RIPK1: variants seen among roughly 807,000 people sequenced by gnomAD.
RIPK1 encodes the protein receptor-interacting serine/threonine-protein kinase 1.
Under a neutral mutation model 62.4 loss-of-function variants are expected in RIPK1, and 27 were observed. That is an observed-to-expected ratio of 0.43 (90% CI 0.32 to 0.60). The LOEUF (loss-of-function observed/expected upper bound fraction) is 0.60, where lower values mean the gene tolerates loss of function less well. Ranked by LOEUF, RIPK1 falls within the 20% of genes least tolerant of loss-of-function variation. The pLI, the probability that RIPK1 is intolerant of heterozygous loss-of-function variation, is 0.07. For missense variants in RIPK1, 735 were observed against 831.0 expected (o/e 0.88, Z 1.42); for synonymous variants, 287 against 303.2 (o/e 0.95, Z 0.55).
In RIPK1 at chr6:3,113,633, G is replaced by A. The variant is rs1011955184; in HGVS notation, c.*294G>A. 2.7e-5 allele frequency: 9 copies of A among 332,272 alleles called. No individual in the cohort carries two copies. Among genetic ancestry groups the A allele is most frequent in the African/African-American group, 1.6e-4 (8 of 48,930 alleles). The allele number at this position is 332,272 out of a possible 1,614,324, so 20.6% of individuals were successfully genotyped here. A position where few individuals can be genotyped will look rare whatever the true frequency, so the allele number is the denominator to read the frequency against. On this transcript the variant is annotated 3_prime_UTR_variant, in exon 11 of 11. Transcript: ENST00000259808. This position sits in a 1 kb window ranked among gnomAD's most constrained non-coding sequence, Gnocchi z 5.0. ...AGCCACTGCGCCCAGCCAACAATCC[G>A]CTCTGAGGAAAGCGTAAGCAGGAAG...
intron 7 of RIPK1, among the ~76,000 whole-genome samples, chr6:3,097,585 A>G (rs917341304): frequency 2.0e-5 from 3 of 152,204 alleles, no homozygotes; most frequent in Admixed American, 6.5e-5. Context: ...ATACCAAAAA[A>G]TCAGCTCCAG....
chr6:3,103,238 G>T, intron 7 of RIPK1, among the ~76,000 whole-genome samples: 1 of 150,966 alleles, frequency 6.6e-6, no homozygotes, highest in African/African-American at 2.4e-5. Flanking sequence ...TTATGTTCTG[G>T]ATTTCATCCG....
chr6:3,070,765 C>T (rs1161688205), intron 1 of RIPK1, among the ~76,000 whole-genome samples: 1 of 152,208 alleles, frequency 6.6e-6, no homozygotes, highest in Non-Finnish European at 1.5e-5. Flanking sequence ...TGTACTTTCT[C>T]CGTGTTTCTG....
rs116253526 is a variant in RIPK1, at chr6:3,078,162, A to G, written c.321+227A>G. Among the ~76,000 whole-genome samples the G allele has an allele frequency of 7.3e-3, 1,117 of 152,270 alleles. 11 individuals carry two copies. Among genetic ancestry groups the G allele is most frequent in the African/African-American group, 0.026 (1,073 of 41,554 alleles). ...ATCCTCCCACCTCAGCCTCTCAAGT[A>G]GCTGGGATTACAGGCTGGATTTCCT... On this transcript the variant is annotated intron_variant, in intron 3 of 10. Coordinates refer to ENST00000259808, the MANE Select transcript of RIPK1 (RefSeq NM_001354930.2).
chr6:3,066,674 G>A (rs1303601292), upstream of RIPK1, among the ~76,000 whole-genome samples: 1 of 152,124 alleles, frequency 6.6e-6, no homozygotes, highest in Non-Finnish European at 1.5e-5. Flanking sequence ...CTGCATTACT[G>A]TGGAATATTT....
At chr6:3,084,031 G>A (rs972745376) in intron 5 of RIPK1, among the ~76,000 whole-genome samples, 1 of 151,988 alleles carries the variant, frequency 6.6e-6, no homozygotes, top group Non-Finnish European at 1.5e-5. Context: ...TCCCAGACTC[G>A]CCCTTGCCCC....
At chr6:3,085,156 C>T in intron 5 of RIPK1, 103 bp from the exon 6 acceptor site, 2 of 1,227,328 alleles carry the variant, frequency 1.6e-6, no homozygotes, top group Non-Finnish European at 2.4e-6. Flanking sequence ...TGGAATGAGG[C>T]AGCTGTACCA....
In RIPK1 at chr6:3,076,790, A is replaced by C. The variant is rs748246984; in HGVS notation, c.-34A>C. The C allele has an allele frequency of 3.7e-6, 6 of 1,604,524 alleles. No homozygotes were observed. The highest frequency in any genetic ancestry group is 4.3e-6 in the Non-Finnish European group (5 of 1,176,096). ...GTACAGCTCTGCCGGGGGGGGAAAAAGTGGTACCATTTTGGGCGTTCTTGA... is the reference window on the plus strand; with the variant it reads ...GTACAGCTCTGCCGGGGGGGGAAAACGTGGTACCATTTTGGGCGTTCTTGA... On this transcript the variant is annotated 5_prime_UTR_variant, in exon 2 of 11. Coordinates refer to ENST00000259808, the MANE Select transcript of RIPK1 (RefSeq NM_001354930.2).
At position 3,105,566 on chromosome 6, in the gene RIPK1, A is replaced by G. The variant is rs756312128; in HGVS notation, c.1091A>G (p.Glu364Gly). 1 of 1,613,146 alleles carries G rather than the reference A, an allele frequency of 6.2e-7. No individual in the cohort carries two copies. Among genetic ancestry groups the G allele is most frequent in the African/African-American group, 1.3e-5 (1 of 74,864 alleles). The change falls in exon 9 of 11, where the codon GAG (glutamate) becomes GGG (glycine). Residue 364 changes from glutamate (E) to glycine (G), a missense_variant. Glu to Gly is a moderately conservative substitution (Grantham distance 98, BLOSUM62 -2). Transcript: ENST00000259808. The surrounding 1 kb of genome is among the most constrained non-coding windows in gnomAD (Gnocchi z 4.5). ...GAGTCCTGGTTTGCTCCTTCCCTGGAGCACCCACAAGAAGAGAATGAGCCC... is the reference window on the plus strand; with the variant it reads ...GAGTCCTGGTTTGCTCCTTCCCTGGGGCACCCACAAGAAGAGAATGAGCCC... Reference protein sequence around the residue: ...VEESWFAPSLEHPQEENEPSL... With the variant: ...VEESWFAPSLGHPQEENEPSL...
At chr6:3,077,672 G>C (rs1169558076) in intron 2 of RIPK1, 107 bp from the exon 3 acceptor site, 3 of 1,271,154 alleles carry the variant, frequency 2.4e-6, no homozygotes, top group African/African-American at 1.5e-5. Flanking sequence ...GATCGGTACA[G>C]ACCCAAGCAT....
At chr6:3,106,744 G>A (rs1406846912) in intron 9 of RIPK1, among the ~76,000 whole-genome samples, 2 of 152,154 alleles carry the variant, frequency 1.3e-5, no homozygotes, top group Admixed American at 6.5e-5. Context: ...CTCCAAAAAC[G>A]TCCTATGCAA....
chr6:3,071,632 T>TGTGG, intron 1 of RIPK1, among the ~76,000 whole-genome samples: 1 of 152,212 alleles, frequency 6.6e-6, no homozygotes, highest in East Asian at 1.9e-4. Flanking sequence ...GAATCTTTCA[T>TGTGG]GTGGAAAAAA....
In RIPK1 at chr6:3,113,079, C is replaced by T. The variant is rs760735694; in HGVS notation, c.1756C>T (p.His586Tyr). The part of the protein sequence containing the change: ...FDNTTSLTDK[H>Y]LDPIRENLGK... ...TAATACCACTAGTCTGACGGATAAA[C>T]ACCTGGACCCAATCAGGGAAAATCT... The change falls in exon 11 of 11, where the codon CAC becomes TAC. Residue 586 changes from histidine (H) to tyrosine (Y), a missense_variant. Physicochemically the swap from His to Tyr is moderately conservative, Grantham distance 83. Around this residue, in one of 2 missense-constraint regions of RIPK1, gnomAD observed 671 missense variants for 726.2 expected, o/e 0.92. Transcript: ENST00000259808. This position sits in a 1 kb window ranked among gnomAD's most constrained non-coding sequence, Gnocchi z 5.0. 6 of 1,585,002 alleles carry T rather than the reference C, an allele frequency of 3.8e-6. No individual in the cohort carries two copies. In the East Asian group the frequency reaches 1.1e-4, roughly 30 times the overall value.
chr6:3,079,233 C>T (rs1041063503), intron 3 of RIPK1, among the ~76,000 whole-genome samples: 2 of 152,214 alleles, frequency 1.3e-5, no homozygotes, highest in African/African-American at 4.8e-5. Flanking sequence ...GCGCCTACCA[C>T]CATGCCTGGC....
chr6:3,105,453 C>G lies in RIPK1; in HGVS notation c.1007-29C>G. The G allele has an allele frequency of 2.1e-6, 3 of 1,457,964 alleles. No homozygotes were observed. The highest frequency in any genetic ancestry group is 2.8e-6 in the Non-Finnish European group (3 of 1,082,292). 90.3% of individuals were successfully genotyped at this position (1,457,964 alleles called of 1,614,324 possible). ...TTTACTTTTTAATGTTTCATGACAC[C>G]CATTCTAATGTTGATCATTTCTTCT... is the stretch of plus-strand genomic sequence containing the variant. On this transcript the variant is annotated intron_variant, in intron 8 of 10. Coordinates refer to ENST00000259808, the MANE Select transcript of RIPK1 (RefSeq NM_001354930.2). The surrounding 1 kb of genome is among the most constrained non-coding windows in gnomAD (Gnocchi z 4.5).
chr6:3,067,477 C>A (rs1758433641), upstream of RIPK1, among the ~76,000 whole-genome samples: 1 of 152,002 alleles, frequency 6.6e-6, no homozygotes, highest in South Asian at 2.1e-4. Flanking sequence ...AATTGCAATT[C>A]TTTAATGACA....
intron 7 of RIPK1, among the ~76,000 whole-genome samples, chr6:3,096,875 TTTG>T (rs1187711037): frequency 2.0e-5 from 3 of 148,674 alleles, no homozygotes; most frequent in Non-Finnish European, 4.5e-5. Flanking sequence ...TTTGTTTTGT[TTTG>T]TTTTGTTTTT....
chr6:3,076,502 C>T (rs181919384), intron 1 of RIPK1, among the ~76,000 whole-genome samples: 131 of 151,206 alleles, frequency 8.7e-4, no homozygotes, highest in African/African-American at 3.0e-3. Context: ...ATCCCCCGGC[C>T]CCCCCATCTC....
intron 1 of RIPK1, among the ~76,000 whole-genome samples, chr6:3,074,340 C>T (rs1054701519): frequency 3.3e-5 from 5 of 152,204 alleles, no homozygotes; most frequent in East Asian, 1.9e-4. Context: ...TTTTGCATTT[C>T]GTTCATGCGG....
Sources: gnomAD v4.1 joint callset for allele counts (sites outside exome capture counted in the v4.1 genomes callset) on GRCh38, gnomAD v4.1.1 for gene constraint, gnomAD v4.1.1 regional missense constraint, Gnocchi (gnomAD v3.1) non-coding constraint, MANE v1.5 for transcripts, NCBI Gene and HGNC (gene_info 2026-07-23, HGNC 2026-07-21) for gene names.